The following WDR7 variants were observed in gnomAD, a reference collection of about 807,000 sequenced individuals.
The protein encoded by WDR7 is WD repeat-containing protein 7.
WDR7 carries 46 observed loss-of-function variants against 169.4 expected under a neutral mutation model. The ratio of observed to expected loss-of-function variants is 0.27; its 90% CI spans 0.21 to 0.35. WDR7 has a LOEUF of 0.35. Among genes scored for constraint, WDR7 ranks in the 10% least tolerant of loss-of-function variants. The pLI, the probability that WDR7 is intolerant of heterozygous loss-of-function variation, is 1.00. For synonymous variants in WDR7, 612 were observed against 666.8 expected (o/e 0.92, Z 1.27); for missense variants, 1,534 against 1,859.3 (o/e 0.83, Z 3.22).
intron 15 of WDR7, among the ~76,000 whole-genome samples, chr18:56,757,798 C>T (rs1269878650): frequency 6.6e-6 from 1 of 151,842 alleles, no homozygotes; most frequent in African/African-American, 2.4e-5. Context: ...ATAGACCCTG[C>T]CTCTGCAAAA....
At chr18:56,898,550 C>A (rs772640331) in intron 21 of WDR7, among the ~76,000 whole-genome samples, 4 of 152,028 alleles carry the variant, frequency 2.6e-5, no homozygotes, top group Non-Finnish European at 4.4e-5. Flanking sequence ...GTCAGATTTT[C>A]CTTGGAATGA....
intron 19 of WDR7, among the ~76,000 whole-genome samples, chr18:56,803,719 A>G (rs918927333): frequency 6.6e-6 from 1 of 152,242 alleles, no homozygotes; most frequent in Non-Finnish European, 1.5e-5. Context: ...TAATGATACT[A>G]TAATGCTACT....
chr18:56,873,824 C>G (rs1404314266), intron 20 of WDR7: 2 of 152,214 alleles, frequency 1.3e-5, no homozygotes, highest in Non-Finnish European at 2.9e-5. Context: ...TCATCTTGAT[C>G]TAAGATGTCA....
intron 26 of WDR7, among the ~76,000 whole-genome samples, chr18:56,984,817 T>G (rs1195086988): frequency 6.6e-6 from 1 of 152,160 alleles, no homozygotes; most frequent in African/African-American, 2.4e-5. Flanking sequence ...TATTTTCATT[T>G]TGGGGGCGGT....
chr18:56,952,375 A>G (rs2047195435), intron 25 of WDR7, among the ~76,000 whole-genome samples: 1 of 152,238 alleles, frequency 6.6e-6, no homozygotes, highest in Admixed American at 6.5e-5. Flanking sequence ...TTTGCGTAGC[A>G]GCTACTTTTC....
intron 19 of WDR7, among the ~76,000 whole-genome samples, chr18:56,782,492 GAATTAA>G (rs1332161036): frequency 6.6e-6 from 1 of 151,378 alleles, no homozygotes; most frequent in Admixed American, 6.6e-5. Context: ...AAATTATATT[GAATTAA>G]AATTAAAATT....
intron 14 of WDR7, among the ~76,000 whole-genome samples, chr18:56,756,100 G>A (rs1296067326): frequency 6.6e-6 from 1 of 152,122 alleles, no homozygotes; most frequent in Non-Finnish European, 1.5e-5. Flanking sequence ...ACTGTAATAT[G>A]TTCTTTATTC....
Position 56,682,834 on chromosome 18 carries a change from T to G in WDR7, c.501T>G (p.Ile167Met), listed in dbSNP as rs1252920323. ...ACTGGATTAGCTCCATGAGTATTAT[T>G]CGATCCCACCGAACACAAGGTCAGT... Reference protein sequence around the residue: ...SPDWISSMSIIRSHRTQEDTV... With the variant: ...SPDWISSMSIMRSHRTQEDTV... The change falls in exon 5 of 28, where the codon ATT becomes ATG. Residue 167 changes from isoleucine (I) to methionine (M), a missense_variant. Transcript: ENST00000254442. The G allele has an allele frequency of 6.2e-7, 1 of 1,613,646 alleles. No homozygotes were observed. Among genetic ancestry groups the G allele is most frequent in the Non-Finnish European group, 8.5e-7 (1 of 1,179,686 alleles).
At chr18:56,920,945 T>C (rs993714386) in intron 21 of WDR7, among the ~76,000 whole-genome samples, 1 of 152,188 alleles carries the variant, frequency 6.6e-6, no homozygotes, top group African/African-American at 2.4e-5. Flanking sequence ...AATTAGAGAA[T>C]ACAATATAAG....
chr18:56,924,087 A>G lies in WDR7; in HGVS notation c.3692A>G (p.Asp1231Gly), dbSNP rs750375531. 6.3e-5 allele frequency: 102 copies of G among 1,612,606 alleles called. 1 individual carries two copies. The East Asian group carries it at 2.2e-3, about 35-fold the overall frequency. Residue 1231 changes from aspartate to glycine, a missense_variant, in exon 22 of 28, where the codon GAT becomes GGT. By Grantham distance (94) the Asp-to-Gly change is moderately conservative. Transcript: ENST00000254442. The stretch of plus-strand genomic sequence containing the variant: ...ATGGGGCTTCTCGAACTTTGTGCCG[A>G]TGCCGAGAAACAACTTGCCAAGTAT... Reference protein sequence around the residue: ...VLMGLLELCADAEKQLANITM... With the variant: ...VLMGLLELCAGAEKQLANITM...
chr18:56,973,400 C>T (rs1411628167), intron 26 of WDR7, among the ~76,000 whole-genome samples: 2 of 152,218 alleles, frequency 1.3e-5, no homozygotes, highest in East Asian at 3.9e-4. Flanking sequence ...TTGTATATTT[C>T]TTAATGCCAT....
At chr18:56,810,583 A>T (rs75589147) in intron 19 of WDR7, among the ~76,000 whole-genome samples, 3,663 of 152,214 alleles carry the variant, frequency 0.024, 103 homozygotes, top group East Asian at 0.13. Context: ...TTAAGTAGAA[A>T]ATTATGCCTT....
chr18:56,735,866 T>G (rs939178899), intron 14 of WDR7, among the ~76,000 whole-genome samples: 1 of 152,196 alleles, frequency 6.6e-6, no homozygotes, highest in East Asian at 1.9e-4. Context: ...ATTTGGCCCA[T>G]GGGTCATAGT....
chr18:56,702,550 A>G (rs2025856706), intron 12 of WDR7, among the ~76,000 whole-genome samples: 1 of 152,242 alleles, frequency 6.6e-6, no homozygotes, highest in Non-Finnish European at 1.5e-5. Flanking sequence ...GATATTTTAC[A>G]TGAAACTATC....
At chr18:56,988,748 A>G (rs998877522) in intron 26 of WDR7, among the ~76,000 whole-genome samples, 3 of 152,088 alleles carry the variant, frequency 2.0e-5, no homozygotes, top group African/African-American at 7.2e-5. Flanking sequence ...AAAAAAAGTT[A>G]TTAAATAGTT....
intron 17 of WDR7, among the ~76,000 whole-genome samples, chr18:56,777,922 A>G (rs1178707870): frequency 6.6e-6 from 1 of 152,192 alleles, no homozygotes; most frequent in Non-Finnish European, 1.5e-5. Flanking sequence ...TTTGGGTCAT[A>G]TTTGTTACAC....
chr18:56,841,407 G>A (rs2045484036), intron 20 of WDR7, among the ~76,000 whole-genome samples: 1 of 151,768 alleles, frequency 6.6e-6, no homozygotes, highest in South Asian at 2.1e-4. Context: ...AGCTGGGCGT[G>A]GTAGTGTGTG....
intron 19 of WDR7, among the ~76,000 whole-genome samples, chr18:56,782,977 A>G (rs1475307140): frequency 6.6e-6 from 1 of 152,152 alleles, no homozygotes; most frequent in Admixed American, 6.6e-5. Context: ...TAAGCATAAT[A>G]CTTTTGTTAA....
At chr18:56,704,358 G>A (rs1344604013) in intron 12 of WDR7, among the ~76,000 whole-genome samples, 1 of 144,244 alleles carries the variant, frequency 6.9e-6, no homozygotes, top group Non-Finnish European at 1.5e-5. Flanking sequence ...GCAACATAGT[G>A]AAACCCTGTC....
Sources: allele counts gnomAD v4.1 joint callset (sites outside exome capture counted in the v4.1 genomes callset), GRCh38; gene constraint gnomAD v4.1.1; transcripts MANE v1.5; gene names NCBI Gene and HGNC (gene_info 2026-07-23, HGNC 2026-07-21).